PRKN: variants seen among roughly 807,000 people sequenced by gnomAD.
The protein encoded by PRKN is E3 ubiquitin-protein ligase parkin.
A neutral mutation model predicts 59.5 loss-of-function variants in PRKN; 56 were observed. The ratio of observed to expected loss-of-function variants is 0.94; its 90% CI spans 0.76 to 1.18. The LOEUF is 1.18. PRKN is among the 50% of genes most tolerant of loss of function. The pLI is 0.00. For synonymous variants in PRKN, 250 were observed against 222.1 expected, an observed-to-expected ratio of 1.13 and a Z score of -1.12; for missense variants, 657 against 596.4, an observed-to-expected ratio of 1.10 and a Z score of -1.06.
chr6:161,721,209 A>C (rs955336617), intron 7 of PRKN, among the ~76,000 whole-genome samples: 10 of 152,258 alleles, frequency 6.6e-5, no homozygotes, highest in Non-Finnish European at 1.3e-4. Context: ...GTATGTATAA[A>C]ATGTATAAAA....
intron 3 of PRKN, among the ~76,000 whole-genome samples, chr6:162,208,147 A>G (rs1330619113): frequency 6.6e-6 from 1 of 152,226 alleles, no homozygotes; most frequent in Non-Finnish European, 1.5e-5. Context: ...GAACTATTCT[A>G]AAGGAAGACA....
At chr6:162,286,035 G>A (rs1323871309) in intron 2 of PRKN, among the ~76,000 whole-genome samples, 11 of 152,086 alleles carry the variant, frequency 7.2e-5, no homozygotes, top group Non-Finnish European at 5.9e-5. Flanking sequence ...AATGCAGCGT[G>A]GCAGCATAAT....
intron 2 of PRKN, among the ~76,000 whole-genome samples, chr6:162,300,493 T>C (rs1479727133): frequency 6.6e-6 from 1 of 152,094 alleles, no homozygotes; most frequent in Non-Finnish European, 1.5e-5. Flanking sequence ...TATGCAGCTC[T>C]CTGCGTTTTT....
Position 161,407,270 on chromosome 6 carries a change from G to T in PRKN, c.1084-20393C>A, listed in dbSNP as rs765539169. 1.3e-5 allele frequency among the ~76,000 whole-genome samples: 2 copies of T among 151,936 alleles called. No homozygotes were observed. The highest frequency in any genetic ancestry group is 2.9e-5 in the Non-Finnish European group (2 of 67,990). On this transcript the variant is annotated intron_variant, in intron 9 of 11. Transcript: ENST00000366898. This position sits in a 1 kb window ranked among gnomAD's most constrained non-coding sequence, Gnocchi z 4.9. ...ATGAGTGAGTCATAAATATAGAAAC[G>T]CACTGACTTGATAAATAAGAAACAA...
At chr6:162,349,474 C>T (rs1784536483) in intron 2 of PRKN, among the ~76,000 whole-genome samples, 1 of 151,972 alleles carries the variant, frequency 6.6e-6, no homozygotes. Flanking sequence ...CTCAAACAAA[C>T]AAATAAACAA....
At chr6:162,679,811 C>G (rs937351075) in intron 1 of PRKN, among the ~76,000 whole-genome samples, 1 of 152,018 alleles carries the variant, frequency 6.6e-6, no homozygotes, top group Admixed American at 6.6e-5. Flanking sequence ...TCCCTGGGTG[C>G]CCTCTCTATT....
At chr6:161,738,480 A>G (rs1356309758) in intron 7 of PRKN, among the ~76,000 whole-genome samples, 1 of 152,212 alleles carries the variant, frequency 6.6e-6, no homozygotes, top group African/African-American at 2.4e-5. Flanking sequence ...AAGGAAAGGA[A>G]GTAACATGAC....
chr6:161,522,513 C>A (rs1354208001), intron 9 of PRKN, among the ~76,000 whole-genome samples: 1 of 152,200 alleles, frequency 6.6e-6, no homozygotes, highest in African/African-American at 2.4e-5. Context: ...AGATATGGAT[C>A]CCAGCATGCC....
chr6:161,982,767 A>G, intron 5 of PRKN, among the ~76,000 whole-genome samples: 1 of 38,958 alleles, frequency 2.6e-5, no homozygotes. Context: ...AGATGGATTA[A>G]AGATTTAAAC....
At chr6:161,972,407 A>G (rs2128251672) in intron 6 of PRKN, among the ~76,000 whole-genome samples, 1 of 152,322 alleles carries the variant, frequency 6.6e-6, no homozygotes, top group East Asian at 1.9e-4. Context: ...CGGAAAGTGT[A>G]GAGTAAGGAA....
chr6:161,632,934 A>G (rs1278316009), intron 7 of PRKN, among the ~76,000 whole-genome samples: 1 of 152,180 alleles, frequency 6.6e-6, no homozygotes, highest in Admixed American at 6.5e-5. Flanking sequence ...GATAATGGGA[A>G]GTACAATTCA....
intron 4 of PRKN, among the ~76,000 whole-genome samples, chr6:162,156,563 G>C (rs1330363454): frequency 6.6e-6 from 1 of 152,234 alleles, no homozygotes; most frequent in East Asian, 1.9e-4. Flanking sequence ...GAGAAAGATG[G>C]AGGCCGGAAG....
intron 5 of PRKN, among the ~76,000 whole-genome samples, chr6:162,023,668 G>C (rs2097129): frequency 0.81 from 123,183 of 151,702 alleles, 50,664 homozygotes; most frequent in African/African-American, 0.95. Context: ...CGGGTTTTTA[G>C]AGACCCAGGA....
At chr6:162,436,417 C>T (rs987208590) in intron 2 of PRKN, among the ~76,000 whole-genome samples, 1 of 151,320 alleles carries the variant, frequency 6.6e-6, no homozygotes, top group Admixed American at 6.6e-5. Flanking sequence ...ACTGCCACCT[C>T]CGCCTCCCAG....
intron 4 of PRKN, among the ~76,000 whole-genome samples, chr6:162,140,257 C>T (rs1781720773): frequency 6.6e-6 from 1 of 152,104 alleles, no homozygotes; most frequent in African/African-American, 2.4e-5. Flanking sequence ...CACAATTGCC[C>T]TTCTAGCCTT....
At chr6:162,245,058 T>C (rs1045369307) in intron 3 of PRKN, among the ~76,000 whole-genome samples, 4 of 152,140 alleles carry the variant, frequency 2.6e-5, no homozygotes, top group Admixed American at 6.6e-5. Context: ...AAAGTATATT[T>C]ACCAAAACAT....
chr6:161,529,731 T>C lies in PRKN; in HGVS notation c.1083+19123A>G, dbSNP rs1445567499. Among the ~76,000 whole-genome samples, 1 of 151,840 alleles carries C rather than the reference T, an allele frequency of 6.6e-6. No individual in the cohort carries two copies. The highest frequency in any genetic ancestry group is 1.5e-5 in the Non-Finnish European group (1 of 68,034). On this transcript the variant is annotated intron_variant, in intron 9 of 11. Transcript: ENST00000366898. This position sits in a 1 kb window ranked among gnomAD's most constrained non-coding sequence, Gnocchi z 4.4. ...AAAATAGTTTTGAAATCAAAAAAGA[T>C]TTATAAACATTATTGGTACAACTGA...
intron 6 of PRKN, among the ~76,000 whole-genome samples, chr6:161,832,733 A>G (rs12665471): frequency 0.25 from 37,929 of 151,614 alleles, 4,917 homozygotes; most frequent in East Asian, 0.39. Flanking sequence ...GTGTGACACA[A>G]TGACATGCGC....
At chr6:162,050,552 C>A (rs983855055) in intron 5 of PRKN, among the ~76,000 whole-genome samples, 3 of 151,616 alleles carry the variant, frequency 2.0e-5, no homozygotes, top group Non-Finnish European at 4.4e-5. Context: ...AATGTAGGTT[C>A]ACCTCTAACT....
Sources: allele counts gnomAD v4.1 joint callset (sites outside exome capture counted in the v4.1 genomes callset), GRCh38; gene constraint gnomAD v4.1.1; non-coding constraint Gnocchi (gnomAD v3.1); transcripts MANE v1.5; gene names NCBI Gene and HGNC (gene_info 2026-07-23, HGNC 2026-07-21).